The following CTNND2 variants were observed in gnomAD, a reference collection of about 807,000 sequenced individuals.
The protein encoded by CTNND2 is catenin delta 2, also known as catenin delta-2.
A neutral mutation model predicts 144.4 loss-of-function variants in CTNND2; 22 were observed. The observed-to-expected ratio is 0.15, with a 90% CI of 0.11 to 0.22. The LOEUF is 0.22. Ranked by LOEUF, CTNND2 falls within the 10% of genes least tolerant of loss-of-function variation. CTNND2 has a pLI of 1.00. For synonymous variants in CTNND2, 751 were observed against 695.6 expected, an observed-to-expected ratio of 1.08 and a Z score of -1.25; for missense variants, 1,353 against 1,618.8, an observed-to-expected ratio of 0.84 and a Z score of 2.82.
chr5:11,393,346 T>C (rs953196475), intron 6 of CTNND2, among the ~76,000 whole-genome samples: 3 of 152,200 alleles, frequency 2.0e-5, no homozygotes, highest in African/African-American at 4.8e-5. Context: ...CTGGAGAATA[T>C]GCAAAGATTT....
At chr5:11,696,039 G>C (rs1289164489) in intron 2 of CTNND2, among the ~76,000 whole-genome samples, 3 of 152,072 alleles carry the variant, frequency 2.0e-5, no homozygotes, top group Non-Finnish European at 2.9e-5. Context: ...CTTTAAAATA[G>C]TTAGCATGGA....
intron 2 of CTNND2, among the ~76,000 whole-genome samples, chr5:11,630,298 T>G (rs1428513668): frequency 6.6e-6 from 1 of 152,166 alleles, no homozygotes; most frequent in African/African-American, 2.4e-5. Context: ...GGAGGATGTC[T>G]CTAATAATGC....
At chr5:11,545,805 G>A (rs1775189426) in intron 3 of CTNND2, among the ~76,000 whole-genome samples, 1 of 151,916 alleles carries the variant, frequency 6.6e-6, no homozygotes, top group Non-Finnish European at 1.5e-5. Context: ...ACTTGTACAT[G>A]AATGTTCATA....
intron 7 of CTNND2, among the ~76,000 whole-genome samples, chr5:11,376,906 A>G (rs1180201119): frequency 6.6e-6 from 1 of 152,170 alleles, no homozygotes; most frequent in Non-Finnish European, 1.5e-5. Flanking sequence ...CACACAAGAC[A>G]GCCAGTCCAC....
chr5:11,168,990 T>A (rs1350968343), intron 11 of CTNND2, among the ~76,000 whole-genome samples: 1 of 152,142 alleles, frequency 6.6e-6, no homozygotes, highest in Non-Finnish European at 1.5e-5. Flanking sequence ...CTGAGACTGA[T>A]CAAAAATAAT....
chr5:11,440,377 G>A (rs903343065), intron 3 of CTNND2, among the ~76,000 whole-genome samples: 6 of 152,098 alleles, frequency 3.9e-5, no homozygotes, highest in Non-Finnish European at 8.8e-5. Flanking sequence ...GGCTGTAGAG[G>A]GCTTTAATTG....
intron 2 of CTNND2, among the ~76,000 whole-genome samples, chr5:11,605,730 G>A (rs1200428106): frequency 3.3e-5 from 5 of 152,212 alleles, no homozygotes; most frequent in African/African-American, 1.2e-4. Flanking sequence ...ATGCAGGAAC[G>A]GTGGTCACTG....
At chr5:11,677,723 G>A (rs1037383221) in intron 2 of CTNND2, among the ~76,000 whole-genome samples, 1 of 152,120 alleles carries the variant, frequency 6.6e-6, no homozygotes, top group African/African-American at 2.4e-5. Context: ...TTCAAAAACC[G>A]TGAAAGGGAA....
chr5:11,544,457 A>C (rs1233808754), intron 3 of CTNND2, among the ~76,000 whole-genome samples: 1 of 152,250 alleles, frequency 6.6e-6, no homozygotes, highest in Non-Finnish European at 1.5e-5. Flanking sequence ...TTTACTCAAG[A>C]AAAAGTAACA....
chr5:11,225,777 G>A (rs190510913), intron 10 of CTNND2, among the ~76,000 whole-genome samples: 26 of 152,106 alleles, frequency 1.7e-4, no homozygotes, highest in African/African-American at 3.4e-4. Context: ...GTTGAATATC[G>A]TCCCCCACAA....
chr5:10,998,114 C>T (rs967803413), intron 18 of CTNND2, among the ~76,000 whole-genome samples: 1 of 152,162 alleles, frequency 6.6e-6, no homozygotes, highest in Non-Finnish European at 1.5e-5. Flanking sequence ...TATGGATGCA[C>T]TCAAAAAATT....
chr5:11,828,860 A>G (rs951816188), intron 1 of CTNND2, among the ~76,000 whole-genome samples: 2 of 152,160 alleles, frequency 1.3e-5, no homozygotes, highest in Non-Finnish European at 2.9e-5. Context: ...GAAATTGGGA[A>G]AGACTGGAAC....
intron 2 of CTNND2, among the ~76,000 whole-genome samples, chr5:11,658,495 C>A (rs1273601115): frequency 1.3e-5 from 2 of 152,050 alleles, no homozygotes; most frequent in African/African-American, 4.8e-5. Flanking sequence ...TACTGACAAC[C>A]AAGGAATAAA....
chr5:11,057,631 T>C (rs538842567), intron 16 of CTNND2, among the ~76,000 whole-genome samples: 1 of 152,340 alleles, frequency 6.6e-6, no homozygotes, highest in South Asian at 2.1e-4. Flanking sequence ...ATACAATACA[T>C]TGGTACCAGT....
intron 6 of CTNND2, among the ~76,000 whole-genome samples, chr5:11,386,753 C>T (rs1759125826): frequency 6.6e-6 from 1 of 151,934 alleles, no homozygotes; most frequent in Non-Finnish European, 1.5e-5. Flanking sequence ...ATGTTGTGTC[C>T]CCAGCAACTA....
chr5:11,662,064 A>G (rs1334444847), intron 2 of CTNND2, among the ~76,000 whole-genome samples: 1 of 150,648 alleles, frequency 6.6e-6, no homozygotes, highest in Non-Finnish European at 1.5e-5. Flanking sequence ...CATATTTCTG[A>G]AACATGGATA....
intron 1 of CTNND2, among the ~76,000 whole-genome samples, chr5:11,797,389 A>G (rs952986885): frequency 3.9e-5 from 6 of 152,160 alleles, no homozygotes; most frequent in Non-Finnish European, 2.9e-5. Flanking sequence ...GGATAAGTGG[A>G]ATTAATTTTC....
intron 16 of CTNND2, among the ~76,000 whole-genome samples, chr5:11,054,242 A>G (rs568650215): frequency 6.6e-6 from 1 of 152,186 alleles, no homozygotes; most frequent in Non-Finnish European, 1.5e-5. Flanking sequence ...AGTTCCAACT[A>G]TTATTCTAAG....
At chr5:11,902,837 C>A (rs1297938661) in intron 1 of CTNND2, among the ~76,000 whole-genome samples, 3 of 151,994 alleles carry the variant, frequency 2.0e-5, no homozygotes, top group African/African-American at 7.3e-5. Context: ...TCTCTCATCT[C>A]CCACACCCTT....
Sources: gnomAD v4.1 joint callset for allele counts (sites outside exome capture counted in the v4.1 genomes callset) on GRCh38, gnomAD v4.1.1 for gene constraint, MANE v1.5 for transcripts, NCBI Gene and HGNC (gene_info 2026-07-23, HGNC 2026-07-21) for gene names.